The following CDC40 variants were observed in gnomAD, a reference collection of about 807,000 sequenced individuals.
CDC40 encodes the protein cell division cycle 40, also known as pre-mRNA-processing factor 17.
Under a neutral mutation model 80.6 loss-of-function variants are expected in CDC40, and 27 were observed. The observed-to-expected ratio is 0.33, with a 90% CI of 0.25 to 0.46. CDC40 has a LOEUF of 0.46. Ranked by LOEUF, CDC40 falls within the 20% of genes least tolerant of loss-of-function variation. CDC40 has a pLI of 1.00. For synonymous variants in CDC40, 221 were observed against 232.6 expected, an observed-to-expected ratio of 0.95 and a Z score of 0.45; for missense variants, 486 against 694.1, an observed-to-expected ratio of 0.70 and a Z score of 3.37.
intron 14 of CDC40, 28 bp downstream of exon 14, chr6:110,229,004 C>G: frequency 6.4e-7 from 1 of 1,551,848 alleles, no homozygotes; most frequent in Non-Finnish European, 8.8e-7. Flanking sequence ...AATCCATTCT[C>G]GTATTCAAAT....
At position 110,226,132 on chromosome 6, in the gene CDC40, G is replaced by A. The variant is rs371764436; in HGVS notation, c.1341-35G>A. 484 of 1,160,514 alleles carry A rather than the reference G, an allele frequency of 4.2e-4. 1 individual carries two copies. Among genetic ancestry groups the A allele is most frequent in the Non-Finnish European group, 5.9e-4 (457 of 774,732 alleles). 71.9% of individuals were successfully genotyped at this position (1,160,514 alleles called of 1,614,324 possible). A position where few individuals can be genotyped will look rare whatever the true frequency, so the allele number is the denominator to read the frequency against. On this transcript the variant is annotated intron_variant, in intron 12 of 14. Transcript: ENST00000307731. ...ATAATTCTGAAGGTACTTTTTAAAAGTTGCTTATTCTGATATGCTATTTAA... is the reference window on the plus strand; with the variant it reads ...ATAATTCTGAAGGTACTTTTTAAAAATTGCTTATTCTGATATGCTATTTAA...
chr6:110,182,932 C>T (rs1199350227), intron 1 of CDC40, among the ~76,000 whole-genome samples: 1 of 152,184 alleles, frequency 6.6e-6, no homozygotes, highest in Non-Finnish European at 1.5e-5. Flanking sequence ...CCCAAAGACA[C>T]CATGTTGTCC....
At position 110,207,476 on chromosome 6, in the gene CDC40, A is replaced by G; in HGVS notation, c.407-30A>G. 4 of 1,056,776 alleles carry G rather than the reference A, an allele frequency of 3.8e-6. No homozygotes were observed. The South Asian group carries it at 4.0e-5, about 11-fold the overall frequency. The allele number at this position is 1,056,776 out of a possible 1,614,324, so 65.5% of individuals were successfully genotyped here. On this transcript the variant is annotated intron_variant, in intron 3 of 14. Coordinates refer to ENST00000307731, the MANE Select transcript of CDC40 (RefSeq NM_015891.3). ...AAAATGAATTTAAACAGCAAAATGGAGTTAATAATTTTCACTTTTTTGCTT... is the reference window on the plus strand; with the variant it reads ...AAAATGAATTTAAACAGCAAAATGGGGTTAATAATTTTCACTTTTTTGCTT...
At position 110,219,750 on chromosome 6, in the gene CDC40, T is replaced by C; in HGVS notation, c.1221T>C (p.Ser407=). The C allele has an allele frequency of 1.2e-6, 2 of 1,613,984 alleles. No individual in the cohort carries two copies. The highest frequency in any genetic ancestry group is 1.7e-4 in the Middle Eastern group (1 of 6,056). Residue 407 remains serine (S), a synonymous_variant, in exon 12 of 15, where the codon AGT becomes AGC. Coordinates refer to ENST00000307731, the MANE Select transcript of CDC40 (RefSeq NM_015891.3). ...DKKIVQWDIR[S]GEIVQEYDRH... ...CTGATACACAGTGGGACATTCGAAG[T>C]GGAGAAATTGTGCAGGAATATGATC... is the stretch of plus-strand genomic sequence containing the variant.
chr6:110,187,060 G>C (rs900412040), intron 1 of CDC40, among the ~76,000 whole-genome samples: 1 of 152,090 alleles, frequency 6.6e-6, no homozygotes, highest in Non-Finnish European at 1.5e-5. Context: ...CTCACTGCAA[G>C]CTCTGCCTCC....
intron 4 of CDC40, 99 bp downstream of exon 4, chr6:110,207,688 C>A (rs908454232): frequency 2.3e-5 from 16 of 683,776 alleles, no homozygotes; most frequent in Non-Finnish European, 2.8e-5. Context: ...TAGTATTTAG[C>A]GCTTTTTTTT....
intron 14 of CDC40, 124 bp from the exon 15 acceptor site, chr6:110,229,830 A>G (rs1193971966): frequency 1.9e-5 from 12 of 615,542 alleles, no homozygotes; most frequent in Non-Finnish European, 3.4e-5. Flanking sequence ...TATTCTGAGT[A>G]TTGTATATTT....
chr6:110,220,808 A>G (rs1777766535), intron 12 of CDC40, among the ~76,000 whole-genome samples: 1 of 152,172 alleles, frequency 6.6e-6, no homozygotes, highest in Non-Finnish European at 1.5e-5. Flanking sequence ...AAGGGGTTTC[A>G]CTTTATAAAA....
chr6:110,201,318 A>C (rs950991033), intron 2 of CDC40, among the ~76,000 whole-genome samples: 1 of 152,142 alleles, frequency 6.6e-6, no homozygotes, highest in African/African-American at 2.4e-5. Context: ...TGAGCTCTTG[A>C]AATAAATAGC....
Position 110,207,608 on chromosome 6 carries a change from T to G in CDC40, c.490+19T>G. 7.9e-7 allele frequency: 1 copy of G among 1,266,228 alleles called. No homozygotes were observed. Among genetic ancestry groups the G allele is most frequent in the Non-Finnish European group, 1.2e-6 (1 of 863,994 alleles). 78.4% of individuals were successfully genotyped at this position (1,266,228 alleles called of 1,614,324 possible). On this transcript the variant is annotated intron_variant, in intron 4 of 14. Transcript: ENST00000307731. ...AATCAAGGTAATTTATTTGAAACATTTGATATCATATATACCTACACATCT... is the reference window on the plus strand; with the variant it reads ...AATCAAGGTAATTTATTTGAAACATGTGATATCATATATACCTACACATCT...
At chr6:110,198,834 A>C (rs1297966526) in intron 2 of CDC40, 1 of 152,208 alleles carries the variant, frequency 6.6e-6, no homozygotes, top group Non-Finnish European at 1.5e-5. Context: ...GTTAACTACC[A>C]AAACTTGAAG....
intron 9 of CDC40, among the ~76,000 whole-genome samples, chr6:110,216,049 G>A (rs1777695863): frequency 6.6e-6 from 1 of 152,154 alleles, no homozygotes; most frequent in Non-Finnish European, 1.5e-5. Flanking sequence ...CCAAATTTGA[G>A]CTGCCTTTGG....
At chr6:110,226,897 GTAGCCC>G (rs1025649339) in intron 13 of CDC40, among the ~76,000 whole-genome samples, 13 of 152,014 alleles carry the variant, frequency 8.6e-5, no homozygotes, top group African/African-American at 2.9e-4. Context: ...GTGCACATTT[GTAGCCC>G]TAGCTACTTG....
intron 5 of CDC40, 59 bp from the exon 6 acceptor site, chr6:110,210,647 CT>C (rs1777626447): frequency 1.3e-6 from 1 of 767,200 alleles, no homozygotes; most frequent in Non-Finnish European, 1.9e-6. Flanking sequence ...TTATAACCAA[CT>C]TTAGGTATAA....
chr6:110,229,822 T>C (rs1777912416), intron 14 of CDC40, 132 bp from the exon 15 acceptor site: 4 of 592,550 alleles, frequency 6.8e-6, no homozygotes, highest in Non-Finnish European at 1.2e-5. Context: ...TACCATCTTA[T>C]TCTGAGTATT....
rs6918022 is a variant in CDC40 at position 110,220,498 on chromosome 6, G to A, written c.1340+629G>A. ...GGATTCTTGCTGTGCCACCCAGGCT[G>A]CAGTGGCGCAATCTCAGCTCACTGC... On this transcript the variant is annotated intron_variant, in intron 12 of 14. Transcript: ENST00000307731. Among the ~76,000 whole-genome samples the A allele has an allele frequency of 4.5e-3, 592 of 131,982 alleles. 4 individuals are homozygous for A. The highest frequency in any genetic ancestry group is 0.016 in the African/African-American group (551 of 34,602). 86.6% of individuals were successfully genotyped at this position (131,982 alleles called of 152,430 possible). A position where few individuals can be genotyped will look rare whatever the true frequency, so the allele number is the denominator to read the frequency against.
chr6:110,209,074 GTTAACGTAGGT>G lies in CDC40; in HGVS notation c.491-4_497del. ...CAGTTTTTTTTTTAATTTTTTTTTT[GTTAACGTAGGT>G]TTAACTGTATTTGAAACTGGTCAGA... On this transcript the variant is annotated splice_acceptor_variant and splice_polypyrimidine_tract_variant and coding_sequence_variant and intron_variant, in exon 5 of 15. Transcript: ENST00000307731. LOFTEE classifies it high-confidence loss of function. 7.8e-7 allele frequency: 1 copy of G among 1,276,982 alleles called. No individual in the cohort carries two copies. Among genetic ancestry groups the G allele is most frequent in the Non-Finnish European group, 1.0e-6 (1 of 967,632 alleles). 79.1% of individuals were successfully genotyped at this position (1,276,982 alleles called of 1,614,324 possible). A position where few individuals can be genotyped will look rare whatever the true frequency, so the allele number is the denominator to read the frequency against.
chr6:110,193,077 A>C, intron 1 of CDC40, 105 bp from the exon 2 acceptor site: 1 of 660,760 alleles, frequency 1.5e-6, no homozygotes, highest in East Asian at 2.7e-5. Flanking sequence ...GATAAGTTAT[A>C]ACCATAAAAT....
At chr6:110,220,650 T>C (rs965984934) in intron 12 of CDC40, among the ~76,000 whole-genome samples, 4 of 152,210 alleles carry the variant, frequency 2.6e-5, no homozygotes, top group Admixed American at 6.5e-5. Flanking sequence ...TTTCACTGTG[T>C]TAGCCAGGAT....
Sources: allele counts gnomAD v4.1 joint callset (sites outside exome capture counted in the v4.1 genomes callset), GRCh38; gene constraint gnomAD v4.1.1; transcripts MANE v1.5; gene names NCBI Gene and HGNC (gene_info 2026-07-23, HGNC 2026-07-21).